The following CALCR variants were observed in gnomAD, a reference collection of about 807,000 sequenced individuals.
The protein encoded by CALCR is calcitonin receptor.
In CALCR, 47 loss-of-function variants were observed where a neutral mutation model predicts 59.5. That is an observed-to-expected ratio of 0.79 (90% CI 0.63 to 1.01). The LOEUF is 1.01. Ranked by LOEUF, CALCR falls within the 50% of genes least tolerant of loss-of-function variation. The pLI, the probability that CALCR is intolerant of heterozygous loss-of-function variation, is 0.00. For missense variants in CALCR, 566 were observed against 597.1 expected (o/e 0.95, Z 0.54); for synonymous variants, 213 against 211.3 (o/e 1.01, Z -0.07).
At chr7:93,504,973 A>T (rs1311208593) in intron 2 of CALCR, among the ~76,000 whole-genome samples, 5 of 152,156 alleles carry the variant, frequency 3.3e-5, no homozygotes, top group Admixed American at 3.3e-4. Context: ...CTTTTATAGT[A>T]TAAGCAGTGG....
intron 2 of CALCR, among the ~76,000 whole-genome samples, chr7:93,538,256 G>A (rs1039664090): frequency 1.3e-5 from 2 of 151,942 alleles, no homozygotes; most frequent in African/African-American, 4.8e-5. Context: ...GATAGGCCTG[G>A]ATAACATATC....
At chr7:93,500,419 A>G (rs1801298229) in intron 2 of CALCR, among the ~76,000 whole-genome samples, 1 of 152,020 alleles carries the variant, frequency 6.6e-6, no homozygotes, top group African/African-American at 2.4e-5. Context: ...GGTGTTGTTC[A>G]ACGTATTTAA....
chr7:93,524,408 G>T (rs1206083250), intron 2 of CALCR, among the ~76,000 whole-genome samples: 2 of 151,946 alleles, frequency 1.3e-5, no homozygotes, highest in Non-Finnish European at 2.9e-5. Flanking sequence ...CTGACCTCGT[G>T]ATCCGCCCAC....
intron 9 of CALCR, among the ~76,000 whole-genome samples, chr7:93,440,322 GC>G (rs148158376): frequency 0.015 from 2,326 of 152,094 alleles, 70 homozygotes; most frequent in African/African-American, 0.054. Context: ...TTATTCTCTT[GC>G]CCCATTAAAC....
intron 2 of CALCR, among the ~76,000 whole-genome samples, chr7:93,491,369 C>G (rs1360207353): frequency 1.3e-5 from 2 of 151,940 alleles, no homozygotes; most frequent in Non-Finnish European, 2.9e-5. Flanking sequence ...GACAAAAATG[C>G]CAAAAGCAAT....
chr7:93,534,901 A>G (rs1330071762), intron 2 of CALCR, among the ~76,000 whole-genome samples: 1 of 151,736 alleles, frequency 6.6e-6, no homozygotes, highest in Non-Finnish European at 1.5e-5. Context: ...GAGTTATACT[A>G]GGTGTTTTAT....
intron 2 of CALCR, among the ~76,000 whole-genome samples, chr7:93,532,456 G>C (rs1788863811): frequency 6.6e-6 from 1 of 151,962 alleles, no homozygotes; most frequent in South Asian, 2.1e-4. Context: ...AGTTCAGGAG[G>C]TTAGGTTAAA....
intron 2 of CALCR, among the ~76,000 whole-genome samples, chr7:93,488,608 G>A (rs914721530): frequency 2.5e-5 from 2 of 80,438 alleles, no homozygotes; most frequent in Admixed American, 2.1e-4. Flanking sequence ...AAAAGCATGG[G>A]TTGCAATCCT....
chr7:93,490,466 G>A (rs767368158), intron 2 of CALCR, among the ~76,000 whole-genome samples: 1 of 151,796 alleles, frequency 6.6e-6, no homozygotes, highest in African/African-American at 2.4e-5. Flanking sequence ...AAGTCAAATT[G>A]TCTGTGTTTG....
At chr7:93,518,187 G>A (rs1005410152) in intron 2 of CALCR, among the ~76,000 whole-genome samples, 1 of 151,086 alleles carries the variant, frequency 6.6e-6, no homozygotes, top group Non-Finnish European at 1.5e-5. Flanking sequence ...GGCAAGATAG[G>A]AATTTAAAAT....
At chr7:93,436,542 T>G (rs1345986836) in intron 11 of CALCR, among the ~76,000 whole-genome samples, 1 of 152,164 alleles carries the variant, frequency 6.6e-6, no homozygotes, top group Non-Finnish European at 1.5e-5. Context: ...TTTCATAAAT[T>G]TATTAGTCTT....
chr7:93,431,284 A>C (rs1037577696), intron 13 of CALCR, among the ~76,000 whole-genome samples: 1 of 152,192 alleles, frequency 6.6e-6, no homozygotes, highest in Admixed American at 6.5e-5. Flanking sequence ...TTGTTTCGAG[A>C]GCACAGTCCT....
chr7:93,507,365 G>A (rs949498850), intron 2 of CALCR, among the ~76,000 whole-genome samples: 3 of 152,016 alleles, frequency 2.0e-5, no homozygotes, highest in Non-Finnish European at 4.4e-5. Context: ...ATTAGTTTAG[G>A]AGCAGTACTT....
In CALCR at chr7:93,486,808, T is replaced by C; in HGVS notation, c.51+123A>G. The C allele has an allele frequency of 4.3e-6, 3 of 693,150 alleles. No homozygotes were observed. In the East Asian group the frequency reaches 8.3e-5, roughly 19 times the overall value. The allele number at this position is 693,150 out of a possible 1,614,324, so 42.9% of individuals were successfully genotyped here. A position where few individuals can be genotyped will look rare whatever the true frequency, so the allele number is the denominator to read the frequency against. The stretch of plus-strand genomic sequence containing the variant: ...AAGCAAAATAATGGCTTTGAGGAAC[T>C]TAGTTTCGGCTTCTGGAGACCAATG... On this transcript the variant is annotated intron_variant, in intron 3 of 13. Coordinates refer to ENST00000426151, the MANE Select transcript of CALCR (RefSeq NM_001742.4).
chr7:93,446,850 G>A (rs1237507756), intron 8 of CALCR, among the ~76,000 whole-genome samples: 2 of 151,900 alleles, frequency 1.3e-5, no homozygotes, highest in African/African-American at 2.4e-5. Context: ...CAAATTGCAA[G>A]ACAAAAATCT....
intron 8 of CALCR, among the ~76,000 whole-genome samples, chr7:93,451,521 C>T (rs1800110011): frequency 6.6e-6 from 1 of 151,862 alleles, no homozygotes; most frequent in South Asian, 2.1e-4. Flanking sequence ...TCTTTCCACC[C>T]CTCCATCCCA....
At chr7:93,563,151 T>C (rs909209552) in intron 2 of CALCR, among the ~76,000 whole-genome samples, 9 of 152,202 alleles carry the variant, frequency 5.9e-5, no homozygotes, top group East Asian at 3.8e-4. Context: ...GTAGTCATCA[T>C]ATAGGGAAAT....
chr7:93,524,268 C>G (rs558972534), intron 2 of CALCR, among the ~76,000 whole-genome samples: 15 of 150,654 alleles, frequency 1.0e-4, no homozygotes, highest in Non-Finnish European at 1.8e-4. Flanking sequence ...CTCCCTGGTT[C>G]ACGCCATTCT....
At chr7:93,514,331 A>G (rs1801608568) in intron 2 of CALCR, among the ~76,000 whole-genome samples, 1 of 152,240 alleles carries the variant, frequency 6.6e-6, no homozygotes, top group Non-Finnish European at 1.5e-5. Flanking sequence ...TTGGCCACAT[A>G]TTTAGAGTCT....
Sources: allele counts gnomAD v4.1 joint callset (sites outside exome capture counted in the v4.1 genomes callset), GRCh38; gene constraint gnomAD v4.1.1; transcripts MANE v1.5; gene names NCBI Gene and HGNC (gene_info 2026-07-23, HGNC 2026-07-21).